Variants in P3H2 observed in about 807,000 individuals in gnomAD.
The protein encoded by P3H2 is leprecan-like 1.
A neutral mutation model predicts 87.0 loss-of-function variants in P3H2; 80 were observed. That is an observed-to-expected ratio of 0.92 (90% CI 0.77 to 1.11). The LOEUF (loss-of-function observed/expected upper bound fraction) is 1.11. Among genes scored for constraint, P3H2 ranks in the 50% least tolerant of loss-of-function variants. The pLI is 0.00. For missense variants in P3H2, 1,001 were observed against 923.9 expected (o/e 1.08, Z -1.08); for synonymous variants, 367 against 359.3 (o/e 1.02, Z -0.24).
intron 8 of P3H2, among the ~76,000 whole-genome samples, chr3:189,980,248 C>CA (rs1723488768): frequency 6.6e-6 from 1 of 152,194 alleles, no homozygotes; most frequent in Non-Finnish European, 1.5e-5. Flanking sequence ...GCCTCCCTGA[C>CA]ATCCCCTTTT....
chr3:189,990,533 A>G (rs913163868), intron 3 of P3H2, among the ~76,000 whole-genome samples: 1 of 152,142 alleles, frequency 6.6e-6, no homozygotes, highest in Non-Finnish European at 1.5e-5. Context: ...TAGCAGCAAA[A>G]TAGGAGTGAC....
intron 1 of P3H2, among the ~76,000 whole-genome samples, chr3:190,044,713 G>A (rs1725745484): frequency 6.6e-6 from 1 of 152,184 alleles, no homozygotes; most frequent in South Asian, 2.1e-4. Context: ...ACATATGGAG[G>A]AGTGATTGAT....
chr3:189,994,498 T>C (rs1723984007), intron 2 of P3H2, among the ~76,000 whole-genome samples: 1 of 152,178 alleles, frequency 6.6e-6, no homozygotes, highest in Admixed American at 6.5e-5. Context: ...GGGGTCTTAC[T>C]GAGCAAATAG....
At chr3:190,116,657 TAAC>T (rs1009580328) in intron 1 of P3H2, 1 of 152,246 alleles carries the variant, frequency 6.6e-6, no homozygotes. Context: ...GATGCTATGG[TAAC>T]CTATTTGAGC....
intron 1 of P3H2, among the ~76,000 whole-genome samples, chr3:190,080,669 T>G (rs1242386892): frequency 6.6e-6 from 1 of 152,144 alleles, no homozygotes; most frequent in Non-Finnish European, 1.5e-5. Context: ...CCCAAAGTGC[T>G]GGGATTACAG....
intron 2 of P3H2, 86 bp downstream of exon 2, chr3:189,995,204 T>G: frequency 8.0e-7 from 1 of 1,250,860 alleles, no homozygotes; most frequent in South Asian, 1.2e-5. Context: ...TTATGAGATA[T>G]TCATTCATAG....
chr3:190,041,035 TATACACACACACACACAC>T (rs1318931418), intron 1 of P3H2, among the ~76,000 whole-genome samples: 3 of 39,788 alleles, frequency 7.5e-5, no homozygotes, highest in African/African-American at 2.7e-4. Flanking sequence ...TATATATATA[TATACACACACACACACAC>T]ACACACACAC....
At chr3:190,116,038 C>T (rs926254361) in intron 1 of P3H2, among the ~76,000 whole-genome samples, 2 of 152,064 alleles carry the variant, frequency 1.3e-5, no homozygotes, top group African/African-American at 4.8e-5. Context: ...AGGAAGCTCA[C>T]CTAAGTAATA....
At chr3:189,984,762 G>T (rs979373453) in intron 6 of P3H2, among the ~76,000 whole-genome samples, 172 bp from the exon 7 acceptor site, 8 of 152,110 alleles carry the variant, frequency 5.3e-5, no homozygotes, top group Non-Finnish European at 4.4e-5. Flanking sequence ...TAATGAAAAG[G>T]AAGGCTAAAG....
chr3:189,984,618 T>G, intron 6 of P3H2, 28 bp from the exon 7 acceptor site: 1 of 1,374,736 alleles, frequency 7.3e-7, no homozygotes, highest in Non-Finnish European at 1.0e-6. Flanking sequence ...AAAAAAAAAA[T>G]GCAGTAATTT....
rs1248400137 is a variant in P3H2 at position 189,958,077 on chromosome 3, C to T, written c.2035-73G>A. Reference sequence around the variant, plus strand: ...GTCTCATCAGCAGACGCTTCCCAAACACTTCCTGGCATCCATCTGTACATG... The same window carrying T: ...GTCTCATCAGCAGACGCTTCCCAAATACTTCCTGGCATCCATCTGTACATG... On this transcript the variant is annotated intron_variant, in intron 14 of 14. Coordinates refer to ENST00000319332, the MANE Select transcript of P3H2 (RefSeq NM_018192.4). 2.9e-6 allele frequency: 3 copies of T among 1,049,956 alleles called. No individual in the cohort carries two copies. In the Admixed American group the frequency reaches 5.1e-5, roughly 18 times the overall value. The allele number at this position is 1,049,956 out of a possible 1,614,324, so 65.0% of individuals were successfully genotyped here. A position where few individuals can be genotyped will look rare whatever the true frequency, so the allele number is the denominator to read the frequency against.
At chr3:190,018,276 A>C (rs1724831919) in intron 1 of P3H2, among the ~76,000 whole-genome samples, 1 of 152,190 alleles carries the variant, frequency 6.6e-6, no homozygotes, top group African/African-American at 2.4e-5. Context: ...ACAAAATAAT[A>C]ATAATAACAA....
intron 1 of P3H2, among the ~76,000 whole-genome samples, chr3:190,093,100 G>T (rs563736880): frequency 6.6e-6 from 1 of 152,234 alleles, no homozygotes; most frequent in South Asian, 2.1e-4. Context: ...CACAGTTTGA[G>T]AAGTAGAAAT....
intron 1 of P3H2, among the ~76,000 whole-genome samples, chr3:190,016,393 T>A (rs868242293): frequency 4.6e-5 from 7 of 151,734 alleles, no homozygotes; most frequent in African/African-American, 1.7e-4. Flanking sequence ...ACAGGCGCCC[T>A]CCACCACGCC....
In P3H2 at chr3:190,042,454, GTGTA is replaced by G. The variant is rs1194185921; in HGVS notation, c.481-47016_481-47013del. On this transcript the variant is annotated intron_variant, in intron 1 of 14. Transcript: ENST00000319332. The stretch of plus-strand genomic sequence containing the variant: ...TGTGTGTGTGTGTGTGTGTGTGTGT[GTGTA>G]TGTAGAATCTGGCCATCTATCTCAC... Among the ~76,000 whole-genome samples, 1,172 of 132,530 alleles carry G rather than the reference GTGTA, an allele frequency of 8.8e-3. 9 individuals are homozygous for G. Among genetic ancestry groups the G allele is most frequent in the Non-Finnish European group, 0.015 (912 of 61,176 alleles). 86.9% of individuals were successfully genotyped at this position (132,530 alleles called of 152,430 possible).
At chr3:190,090,124 C>A (rs996607024) in intron 1 of P3H2, among the ~76,000 whole-genome samples, 10 of 152,038 alleles carry the variant, frequency 6.6e-5, no homozygotes, top group Non-Finnish European at 1.0e-4. Context: ...CCCAACAGAC[C>A]CTTTCCATTT....
At chr3:190,041,685 T>G (rs1725641095) in intron 1 of P3H2, among the ~76,000 whole-genome samples, 1 of 152,214 alleles carries the variant, frequency 6.6e-6, no homozygotes, top group African/African-American at 2.4e-5. Flanking sequence ...ATTAGCTAAT[T>G]TCTCCCTATT....
chr3:190,005,645 G>A (rs185113910), intron 1 of P3H2, among the ~76,000 whole-genome samples: 52 of 152,248 alleles, frequency 3.4e-4, no homozygotes, highest in African/African-American at 1.9e-4. Flanking sequence ...GTATAAATAC[G>A]CCACGTTCTT....
intron 1 of P3H2, among the ~76,000 whole-genome samples, chr3:190,024,145 T>TATTTTA (rs1725014733): frequency 6.6e-6 from 1 of 152,214 alleles, no homozygotes; most frequent in Non-Finnish European, 1.5e-5. Flanking sequence ...TAATTGTTCC[T>TATTTTA]GAATTTTAAA....
Sources: gnomAD v4.1 joint callset for allele counts (sites outside exome capture counted in the v4.1 genomes callset) on GRCh38, gnomAD v4.1.1 for gene constraint, MANE v1.5 for transcripts, NCBI Gene and HGNC (gene_info 2026-07-23, HGNC 2026-07-21) for gene names.